The following RPH3A variants were observed in gnomAD, a reference collection of about 807,000 sequenced individuals.
The protein encoded by RPH3A is rabphilin 3A.
A neutral mutation model predicts 102.2 loss-of-function variants in RPH3A; 48 were observed. The observed-to-expected ratio is 0.47, with a 90% CI of 0.37 to 0.60. RPH3A has a LOEUF of 0.60. RPH3A is among the 20% of genes least tolerant of loss of function. RPH3A has a pLI of 0.00. For missense variants in RPH3A, 781 were observed against 910.1 expected, an observed-to-expected ratio of 0.86 and a Z score of 1.83; for synonymous variants, 310 against 324.3, an observed-to-expected ratio of 0.96 and a Z score of 0.47.
In RPH3A at chr12:112,582,340, G is replaced by A. The variant is rs1208020259; in HGVS notation, c.-140+7021G>A. 1.4e-5 allele frequency among the ~76,000 whole-genome samples: 2 copies of A among 147,118 alleles called. 1 individual carries two copies. The highest frequency in any genetic ancestry group is 3.0e-5 in the Non-Finnish European group (2 of 66,934). On this transcript the variant is annotated intron_variant, in intron 1 of 21. Coordinates refer to the RPH3A transcript ENST00000543106. ...AGCTCACTGCAGCCTCCAGCTCCTG[G>A]GCTTGAGCAATTCTCCCACATCCGC...
At chr12:112,804,975 GAGA>G (rs1349795377) in intron 2 of RPH3A, among the ~76,000 whole-genome samples, 2 of 152,108 alleles carry the variant, frequency 1.3e-5, no homozygotes, top group African/African-American at 4.8e-5. Flanking sequence ...CTGGTGAAAG[GAGA>G]AGAACTAGGC....
At chr12:112,659,223 A>G (rs1400870176) in intron 1 of RPH3A, among the ~76,000 whole-genome samples, 2 of 152,214 alleles carry the variant, frequency 1.3e-5, no homozygotes, top group Non-Finnish European at 2.9e-5. Context: ...ACGTGAATGC[A>G]TCACGACCAT....
intron 1 of RPH3A, among the ~76,000 whole-genome samples, chr12:112,674,299 T>C (rs2040156682): frequency 6.6e-6 from 1 of 152,060 alleles, no homozygotes; most frequent in South Asian, 2.1e-4. Flanking sequence ...ACTGAGAAAA[T>C]GAAGGCTCAG....
At chr12:112,803,211 T>A (rs1416244358) in intron 2 of RPH3A, among the ~76,000 whole-genome samples, 1 of 152,184 alleles carries the variant, frequency 6.6e-6, no homozygotes, top group Non-Finnish European at 1.5e-5. Context: ...GCTCCTCACC[T>A]GCTTCCAGTG....
intron 2 of RPH3A, among the ~76,000 whole-genome samples, chr12:112,798,904 C>T (rs773113003): frequency 1.2e-4 from 18 of 151,930 alleles, no homozygotes; most frequent in Non-Finnish European, 1.9e-4. Flanking sequence ...TCTCTCTCTC[C>T]GTCTTCCTCC....
In RPH3A at chr12:112,658,512, C is replaced by T. The variant is rs1340365896; in HGVS notation, c.-140+83193C>T. On this transcript the variant is annotated intron_variant, in intron 1 of 21. Transcript: ENST00000543106. Reference sequence around the variant, plus strand: ...ATTTTTAGCAGGACCATTCTGTCTGCTGTGTTGACAGTAGCCTGCAGGGCA... The same window carrying T: ...ATTTTTAGCAGGACCATTCTGTCTGTTGTGTTGACAGTAGCCTGCAGGGCA... 3.3e-5 allele frequency among the ~76,000 whole-genome samples: 5 copies of T among 152,192 alleles called. No individual in the cohort carries two copies. The East Asian group carries it at 9.6e-4, about 29-fold the overall frequency.
intron 1 of RPH3A, among the ~76,000 whole-genome samples, chr12:112,679,359 T>C (rs1268987833): frequency 6.6e-6 from 1 of 152,118 alleles, no homozygotes; most frequent in Non-Finnish European, 1.5e-5. Context: ...TTCACCATGT[T>C]AGTCAGGATG....
At chr12:112,718,005 G>C (rs2040525515) in intron 1 of RPH3A, 1 of 152,050 alleles carries the variant, frequency 6.6e-6, no homozygotes, top group Non-Finnish European at 1.5e-5. Context: ...CTCTTCTCCA[G>C]GCAACGTTCG....
intron 1 of RPH3A, among the ~76,000 whole-genome samples, chr12:112,589,095 A>T (rs1241721064): frequency 1.3e-5 from 2 of 151,770 alleles, no homozygotes; most frequent in Non-Finnish European, 2.9e-5. Flanking sequence ...TCTGGTATGG[A>T]TGGAGGAAGA....
At chr12:112,866,499 GT>G (rs1342330099) in intron 6 of RPH3A, among the ~76,000 whole-genome samples, 1 of 152,164 alleles carries the variant, frequency 6.6e-6, no homozygotes, top group East Asian at 1.9e-4. Flanking sequence ...TCTCCCCAGT[GT>G]GGATGATGAA....
intron 2 of RPH3A, among the ~76,000 whole-genome samples, chr12:112,814,846 G>C (rs1456842956): frequency 6.6e-6 from 1 of 152,150 alleles, no homozygotes; most frequent in Non-Finnish European, 1.5e-5. Flanking sequence ...CTGCAGACCT[G>C]TGAAATGCTG....
In RPH3A at chr12:112,617,461, C is replaced by A. The variant is rs2039689575; in HGVS notation, c.-140+42142C>A. Among the ~76,000 whole-genome samples, 3 of 152,130 alleles carry A rather than the reference C, an allele frequency of 2.0e-5. No individual in the cohort carries two copies. In the South Asian group the frequency reaches 6.2e-4, roughly 32 times the overall value. ...CTGAGCTCATTCACTTACTCACTCA[C>A]CCATTCACTCACTCACCTGTTCATT... On this transcript the variant is annotated intron_variant, in intron 1 of 21. Coordinates refer to the RPH3A transcript ENST00000543106.
intron 10 of RPH3A, among the ~76,000 whole-genome samples, chr12:112,873,337 T>C (rs990926739): frequency 1.3e-5 from 2 of 152,356 alleles, no homozygotes; most frequent in African/African-American, 4.8e-5. Context: ...GCAGGGCTAG[T>C]GTTTAACCCA....
intron 2 of RPH3A, among the ~76,000 whole-genome samples, chr12:112,820,191 C>A (rs1480871236): frequency 6.6e-6 from 1 of 152,180 alleles, no homozygotes; most frequent in Non-Finnish European, 1.5e-5. Flanking sequence ...TCTATGGAAG[C>A]ATTTAGTGCT....
At chr12:112,840,100 A>G (rs2042117130) in intron 4 of RPH3A, among the ~76,000 whole-genome samples, 1 of 152,264 alleles carries the variant, frequency 6.6e-6, no homozygotes, top group South Asian at 2.1e-4. Context: ...GGACATCCTT[A>G]TAATAAACCA....
chr12:112,582,490 A>G lies in RPH3A; in HGVS notation c.-140+7171A>G, dbSNP rs1034154052. Among the ~76,000 whole-genome samples, 15 of 147,348 alleles carry G rather than the reference A, an allele frequency of 1.0e-4. 2 individuals carry two copies. Among genetic ancestry groups the G allele is most frequent in the Non-Finnish European group, 1.9e-4 (13 of 67,014 alleles). ...GAGACAGGGTCTCCCTCTGTTGCCC[A>G]GGCTGAAGTGCAGTGTCGTGATCAT... is the stretch of plus-strand genomic sequence containing the variant. On this transcript the variant is annotated intron_variant, in intron 1 of 21. Coordinates refer to the RPH3A transcript ENST00000543106.
chr12:112,883,060 T>A (rs1451519297), intron 15 of RPH3A, among the ~76,000 whole-genome samples: 1 of 152,162 alleles, frequency 6.6e-6, no homozygotes, highest in Non-Finnish European at 1.5e-5. Context: ...AGGAGGAGGC[T>A]TAGTGCATGG....
chr12:112,709,328 T>C (rs1705148248), intron 1 of RPH3A, among the ~76,000 whole-genome samples: 2 of 152,088 alleles, frequency 1.3e-5, no homozygotes, highest in Non-Finnish European at 1.5e-5. Flanking sequence ...GGTGGGAGGA[T>C]TGCTTGAGGC....
At chr12:112,894,728 C>A in intron 20 of RPH3A, 69 bp downstream of exon 20, 1 of 1,325,324 alleles carries the variant, frequency 7.5e-7, no homozygotes. Context: ...CAAATAGCCA[C>A]ATAGCCATTA....
Sources: allele counts gnomAD v4.1 joint callset (sites outside exome capture counted in the v4.1 genomes callset), GRCh38; gene constraint gnomAD v4.1.1; transcripts MANE v1.5; gene names NCBI Gene and HGNC (gene_info 2026-07-23, HGNC 2026-07-21).